The following GALNT16 variants were observed in gnomAD, a reference collection of about 807,000 sequenced individuals.
GALNT16 encodes the protein UDP-GalNAc:polypeptide N-acetylgalactosaminyltransferase-like protein 1.
In GALNT16, 40 loss-of-function variants were observed where a neutral mutation model predicts 76.1. The observed-to-expected ratio is 0.53, with a 90% confidence interval of 0.41 to 0.68. GALNT16 has a LOEUF of 0.68. GALNT16 is among the 30% of genes least tolerant of loss of function. The pLI, the probability that GALNT16 is intolerant of heterozygous loss-of-function variation, is 0.00. For missense variants in GALNT16, 621 were observed against 731.9 expected, an observed-to-expected ratio of 0.85 and a Z score of 1.75; for synonymous variants, 276 against 285.2, an observed-to-expected ratio of 0.97 and a Z score of 0.32.
At chr14:69,345,535 G>A (rs141598022) in intron 12 of GALNT16, among the ~76,000 whole-genome samples, 3 of 152,258 alleles carry the variant, frequency 2.0e-5, no homozygotes, top group African/African-American at 7.2e-5. Context: ...ACTGACAGAG[G>A]TAACAGGAGG....
At position 69,260,320 on chromosome 14, in the gene GALNT16, C is replaced by T. The variant is rs768739837; in HGVS notation, c.30C>T (p.Ala10=). The T allele has an allele frequency of 1.9e-6, 3 of 1,613,096 alleles. No homozygotes were observed. Among genetic ancestry groups the T allele is most frequent in the East Asian group, 2.2e-5 (1 of 44,822 alleles). Residue 10 remains alanine, a synonymous_variant, in exon 1 of 15, where the codon GCC becomes GCT. Coordinates refer to ENST00000448469, the MANE Select transcript of GALNT16 (RefSeq NM_001168368.2). The part of the protein sequence containing the change: MRKIRANAI[A]ILTVAWILGT... ...GGAAGATCCGCGCCAATGCCATCGC[C>T]ATCCTGACCGTAGCCTGGATCCTGG...
chr14:69,346,782 C>T (rs1300205810), intron 12 of GALNT16, among the ~76,000 whole-genome samples: 2 of 152,142 alleles, frequency 1.3e-5, no homozygotes, highest in Non-Finnish European at 2.9e-5. Context: ...CCCATGGCTC[C>T]CCCATCCTCT....
chr14:69,260,250 C>T lies in GALNT16; in HGVS notation c.-41C>T, dbSNP rs2140089221. The T allele has an allele frequency of 1.3e-6, 2 of 1,587,444 alleles. No individual in the cohort carries two copies. The highest frequency in any genetic ancestry group is 2.2e-5 in the East Asian group (1 of 44,472). On this transcript the variant is annotated 5_prime_UTR_variant, in exon 1 of 15. It adds an upstream start codon to the 5' untranslated region. Coordinates refer to ENST00000448469, the MANE Select transcript of GALNT16 (RefSeq NM_001168368.2). ...CGCCCCCGCCCCGGCCCCGAGAGCA[C>T]GCCGGCCCAGTCCCCCACCTGGGGC...
intron 1 of GALNT16, among the ~76,000 whole-genome samples, chr14:69,262,691 C>G (rs2044291572): frequency 6.6e-6 from 1 of 152,018 alleles, no homozygotes; most frequent in Non-Finnish European, 1.5e-5. Context: ...GCTTTAGATG[C>G]CTGTTCCACC....
intron 1 of GALNT16, among the ~76,000 whole-genome samples, chr14:69,268,207 G>T (rs929189720): frequency 1.3e-5 from 2 of 152,208 alleles, no homozygotes; most frequent in African/African-American, 4.8e-5. Context: ...AGGAAGACCA[G>T]AAGGAAGCTA....
In GALNT16 at chr14:69,307,946, G is replaced by A. The variant is rs150401094; in HGVS notation, c.178-12765G>A. 1.8e-3 allele frequency among the ~76,000 whole-genome samples: 278 copies of A among 151,950 alleles called. 2 individuals carry two copies. The highest frequency in any genetic ancestry group is 6.5e-3 in the African/African-American group (269 of 41,422). On this transcript the variant is annotated intron_variant, in intron 1 of 14. Transcript: ENST00000448469. ...AGGCTTGTGCTTTGGGGAGAAATCA[G>A]GCAAAGTCAAGTTGGGTTGCCAACC... is the stretch of plus-strand genomic sequence containing the variant.
At chr14:69,316,208 G>C (rs924666633) in intron 1 of GALNT16, among the ~76,000 whole-genome samples, 7 of 152,212 alleles carry the variant, frequency 4.6e-5, no homozygotes, top group African/African-American at 1.7e-4. Context: ...CCATACGCCG[G>C]CTTGGTCCAC....
intron 1 of GALNT16, among the ~76,000 whole-genome samples, chr14:69,273,830 A>G (rs2044436909): frequency 6.6e-6 from 1 of 152,220 alleles, no homozygotes; most frequent in South Asian, 2.1e-4. Flanking sequence ...TAGAGCCGTA[A>G]ACCCAAGAAG....
the GALNT16 span, among the ~76,000 whole-genome samples, chr14:69,368,655 C>T: frequency 1.3e-5 from 2 of 152,266 alleles, no homozygotes; most frequent in Admixed American, 6.5e-5. Context: ...AGGGTTTACA[C>T]GAGGGCTTGA....
At position 69,270,951 on chromosome 14, in the gene GALNT16, C is replaced by T. The variant is rs543915110; in HGVS notation, c.177+10484C>T. ...ACAAATACCGCACCAACCTAGAGGC[C>T]GGATGAAGGAGAACCAAAGGTCAGG... is the stretch of plus-strand genomic sequence containing the variant. On this transcript the variant is annotated intron_variant, in intron 1 of 14. Coordinates refer to ENST00000448469, the MANE Select transcript of GALNT16 (RefSeq NM_001168368.2). 4.3e-4 allele frequency among the ~76,000 whole-genome samples: 27 copies of T among 62,388 alleles called. No individual in the cohort carries two copies. In the South Asian group the frequency reaches 0.021, roughly 48 times the overall value. The allele number at this position is 62,388 out of a possible 152,430, so 40.9% of individuals were successfully genotyped here.
chr14:69,377,849 AAAGTATCCT>A, the GALNT16 span, among the ~76,000 whole-genome samples: 3 of 150,970 alleles, frequency 2.0e-5, no homozygotes, highest in South Asian at 6.3e-4. Flanking sequence ...CATGAACATA[AAAGTATCCT>A]TACAAATATA....
chr14:69,273,846 G>C (rs2044437091), intron 1 of GALNT16, among the ~76,000 whole-genome samples: 1 of 152,218 alleles, frequency 6.6e-6, no homozygotes, highest in Admixed American at 6.5e-5. Flanking sequence ...AGAAGAGTAG[G>C]AATCTGCAGG....
the GALNT16 span, among the ~76,000 whole-genome samples, chr14:69,378,063 A>T: frequency 6.6e-6 from 1 of 152,160 alleles, no homozygotes. Flanking sequence ...TCATCCCTTA[A>T]GTCCCTCTCT....
intron 11 of GALNT16, 130 bp from the exon 12 acceptor site, chr14:69,341,551 G>A (rs2045485881): frequency 1.5e-6 from 1 of 656,752 alleles, no homozygotes; most frequent in East Asian, 2.7e-5. Context: ...GGCTGGACAT[G>A]GCAGGCTGGA....
chr14:69,298,939 A>G (rs2044808303), intron 1 of GALNT16, among the ~76,000 whole-genome samples: 1 of 152,248 alleles, frequency 6.6e-6, no homozygotes, highest in South Asian at 2.1e-4. Context: ...TCTGGACATC[A>G]CCCAAGGCCG....
intron 1 of GALNT16, among the ~76,000 whole-genome samples, chr14:69,303,557 A>G (rs1409902843): frequency 2.0e-5 from 3 of 152,210 alleles, no homozygotes; most frequent in Non-Finnish European, 4.4e-5. Context: ...GGGAGAGGCT[A>G]CAGAGGAAAA....
chr14:69,322,970 GTGTGTGTGTGTGCGCGCGCA>G lies in GALNT16; in HGVS notation c.336-1721_336-1702del, dbSNP rs1452382290. On this transcript the variant is annotated intron_variant, in intron 2 of 14. Coordinates refer to ENST00000448469, the MANE Select transcript of GALNT16 (RefSeq NM_001168368.2). Reference sequence around the variant, plus strand: ...TGTGTGTGTGTGTGTGTGTGTGTGTGTGTGTGTGTGTGCGCGCGCACGCGCGCACGCATGCACACGTGTAG... The same window carrying G: ...TGTGTGTGTGTGTGTGTGTGTGTGTGCGCGCGCACGCATGCACACGTGTAG... 2.7e-4 allele frequency among the ~76,000 whole-genome samples: 24 copies of G among 88,536 alleles called. No individual in the cohort carries two copies. The South Asian group carries it at 3.1e-3, about 12-fold the overall frequency. 58.1% of individuals were successfully genotyped at this position (88,536 alleles called of 152,430 possible).
chr14:69,272,671 C>G (rs1398424419), intron 1 of GALNT16, among the ~76,000 whole-genome samples: 1 of 152,228 alleles, frequency 6.6e-6, no homozygotes, highest in South Asian at 2.1e-4. Context: ...TCACCCAGAG[C>G]AATTCCCAGT....
the GALNT16 span, among the ~76,000 whole-genome samples, chr14:69,367,913 A>G: frequency 6.6e-6 from 1 of 152,168 alleles, no homozygotes; most frequent in African/African-American, 2.4e-5. Context: ...GGATCGCTTG[A>G]GCCCAGGAGT....
Sources: gnomAD v4.1 joint callset for allele counts (sites outside exome capture counted in the v4.1 genomes callset) on GRCh38, gnomAD v4.1.1 for gene constraint, MANE v1.5 for transcripts, NCBI Gene and HGNC (gene_info 2026-07-23, HGNC 2026-07-21) for gene names.